The following LRRC7 variants were observed in gnomAD, a reference collection of about 807,000 sequenced individuals.
LRRC7 encodes leucine-rich repeat-containing protein 7.
A neutral mutation model predicts 175.7 loss-of-function variants in LRRC7; 23 were observed. That is an observed-to-expected ratio of 0.13 (90% CI 0.09 to 0.19). The LOEUF is 0.19. Among genes scored for constraint, LRRC7 ranks in the 10% least tolerant of loss-of-function variants. LRRC7 has a pLI of 1.00. For missense variants in LRRC7, 1,354 were observed against 1,904.7 expected, an observed-to-expected ratio of 0.71 and a Z score of 5.38; for synonymous variants, 685 against 680.9, an observed-to-expected ratio of 1.01 and a Z score of -0.09.
intron 7 of LRRC7, chr1:69,919,520 T>C: frequency 1.2e-6 from 1 of 822,910 alleles, no homozygotes; most frequent in Non-Finnish European, 2.0e-6. Flanking sequence ...CCCGCCAGGG[T>C]CCGCCGCTCG....
At chr1:69,741,692 G>A (rs974051366) in intron 2 of LRRC7, among the ~76,000 whole-genome samples, 2 of 151,906 alleles carry the variant, frequency 1.3e-5, no homozygotes, top group Non-Finnish European at 2.9e-5. Flanking sequence ...GAAGACTTAC[G>A]AACCATGACT....
chr1:69,987,424 G>A (rs916763021), intron 10 of LRRC7, among the ~76,000 whole-genome samples: 2 of 152,146 alleles, frequency 1.3e-5, no homozygotes, highest in African/African-American at 4.8e-5. Flanking sequence ...TGAAACAGAT[G>A]TGTTATATGT....
chr1:69,704,098 T>C (rs1663720206), intron 2 of LRRC7, among the ~76,000 whole-genome samples: 1 of 152,000 alleles, frequency 6.6e-6, no homozygotes, highest in African/African-American at 2.4e-5. Flanking sequence ...GAACCACAAA[T>C]ATACACTCGG....
intron 2 of LRRC7, among the ~76,000 whole-genome samples, chr1:69,759,472 G>C (rs1670800166): frequency 6.6e-6 from 1 of 151,998 alleles, no homozygotes; most frequent in Non-Finnish European, 1.5e-5. Context: ...GGAGAAAGAT[G>C]TGTCAGGAGT....
At chr1:69,702,805 G>A (rs1231299553) in intron 2 of LRRC7, among the ~76,000 whole-genome samples, 1 of 152,090 alleles carries the variant, frequency 6.6e-6, no homozygotes, top group Non-Finnish European at 1.5e-5. Flanking sequence ...TATTTGATGA[G>A]ATGTGAAATA....
chr1:70,062,489 TA>T (rs1341147651), intron 23 of LRRC7, among the ~76,000 whole-genome samples: 1 of 152,114 alleles, frequency 6.6e-6, no homozygotes, highest in Non-Finnish European at 1.5e-5. Context: ...AAAATAAGAC[TA>T]AATACGTCCA....
chr1:69,923,664 G>T (rs1300411999), intron 7 of LRRC7, among the ~76,000 whole-genome samples: 1 of 152,056 alleles, frequency 6.6e-6, no homozygotes, highest in African/African-American at 2.4e-5. Context: ...TTTTTTTCTT[G>T]TAAATTTGTT....
chr1:69,975,512 T>C (rs1652721545), intron 8 of LRRC7, among the ~76,000 whole-genome samples: 1 of 152,098 alleles, frequency 6.6e-6, no homozygotes, highest in Admixed American at 6.6e-5. Context: ...TCTTCTATTT[T>C]CTCCTAGACT....
At chr1:69,941,707 T>C (rs1648729734) in intron 8 of LRRC7, among the ~76,000 whole-genome samples, 1 of 152,002 alleles carries the variant, frequency 6.6e-6, no homozygotes, top group African/African-American at 2.4e-5. Flanking sequence ...TAAAATATAA[T>C]TTTGAAAGCT....
rs1256863006 is a variant in LRRC7 at position 70,139,724 on chromosome 1, A to C, written c.*17837A>C. 2 of 152,200 alleles carry C rather than the reference A, an allele frequency of 1.3e-5. No individual in the cohort carries two copies. The highest frequency in any genetic ancestry group is 3.8e-4 in the East Asian group (2 of 5,198). 9.4% of individuals were successfully genotyped at this position (152,200 alleles called of 1,614,324 possible). ...CCAAAGCTGAAGTCATAGGAATGAG[A>C]CATTAATTGTAGGTTTTCAGGAAAG... On this transcript the variant is annotated 3_prime_UTR_variant, in exon 27 of 27. Transcript: ENST00000651989.
At chr1:69,730,000 C>G (rs138513418) in intron 2 of LRRC7, among the ~76,000 whole-genome samples, 9 of 152,304 alleles carry the variant, frequency 5.9e-5, no homozygotes, top group African/African-American at 1.9e-4. Flanking sequence ...TGAAAGCTAC[C>G]AAGGCTTGGA....
chr1:69,811,610 G>C lies in LRRC7; in HGVS notation c.422-14138G>C, dbSNP rs537376326. 9.2e-5 allele frequency among the ~76,000 whole-genome samples: 14 copies of C among 152,262 alleles called. No individual in the cohort carries two copies. In the East Asian group the frequency reaches 2.3e-3, roughly 25 times the overall value. On this transcript the variant is annotated intron_variant, in intron 4 of 26. Transcript: ENST00000651989. The stretch of plus-strand genomic sequence containing the variant: ...CATCCATAAAAAAGGATAAGTTCAT[G>C]TCCTTTGCCGGGACCTGGATGAAGC...
chr1:70,004,665 T>C (rs1655837490), intron 11 of LRRC7, among the ~76,000 whole-genome samples: 3 of 152,068 alleles, frequency 2.0e-5, no homozygotes, highest in Admixed American at 2.0e-4. Flanking sequence ...CTGGCATTTT[T>C]AGACAGTGAA....
intron 4 of LRRC7, among the ~76,000 whole-genome samples, chr1:69,805,194 C>T (rs1676969942): frequency 6.6e-6 from 1 of 151,754 alleles, no homozygotes; most frequent in East Asian, 1.9e-4. Context: ...AACTATTCCA[C>T]CCCTTCCCTC....
chr1:69,638,112 G>A (rs920469465), intron 1 of LRRC7, among the ~76,000 whole-genome samples: 1 of 151,812 alleles, frequency 6.6e-6, no homozygotes, highest in African/African-American at 2.4e-5. Context: ...GAATAGCCAA[G>A]TTTATTTTGT....
intron 7 of LRRC7, chr1:69,838,972 C>T: frequency 5.7e-6 from 1 of 176,342 alleles, no homozygotes; most frequent in Non-Finnish European, 1.3e-5. Flanking sequence ...GGGTTTTTTA[C>T]TCAATTAAAT....
chr1:69,752,347 G>A (rs1669931361), intron 2 of LRRC7, among the ~76,000 whole-genome samples: 1 of 152,108 alleles, frequency 6.6e-6, no homozygotes, highest in East Asian at 1.9e-4. Flanking sequence ...GGACAGCCAG[G>A]ATATTTGTCA....
At chr1:69,763,306 T>A (rs1283881816) in intron 3 of LRRC7, among the ~76,000 whole-genome samples, 3 of 151,984 alleles carry the variant, frequency 2.0e-5, no homozygotes, top group Non-Finnish European at 4.4e-5. Context: ...GCAGGATGGC[T>A]GCAGTAGTTC....
Position 69,961,016 on chromosome 1 carries a change from C to G in LRRC7, c.712-19363C>G, listed in dbSNP as rs534336873. 4.6e-5 allele frequency among the ~76,000 whole-genome samples: 7 copies of G among 152,226 alleles called. No individual in the cohort carries two copies. The East Asian group carries it at 1.4e-3, about 29-fold the overall frequency. On this transcript the variant is annotated intron_variant, in intron 8 of 26. Coordinates refer to ENST00000651989, the MANE Select transcript of LRRC7 (RefSeq NM_001370785.2). ...GCAAGAGAAAGAAATAAAGGGCATT[C>G]AAATAGGAGGGGAGGAAGTCAAACT...
Sources: allele counts gnomAD v4.1 joint callset (sites outside exome capture counted in the v4.1 genomes callset), GRCh38; gene constraint gnomAD v4.1.1; transcripts MANE v1.5; gene names NCBI Gene and HGNC (gene_info 2026-07-23, HGNC 2026-07-21).